The following RASGEF1B variants were observed in gnomAD, a reference collection of about 807,000 sequenced individuals.
RASGEF1B encodes ras-GEF domain-containing family member 1B.
Under a neutral mutation model 65.7 loss-of-function variants are expected in RASGEF1B, and 30 were observed. The observed-to-expected ratio is 0.46, with a 90% confidence interval of 0.34 to 0.62. RASGEF1B has a LOEUF of 0.62. Ranked by LOEUF, RASGEF1B falls within the 20% of genes least tolerant of loss-of-function variation. The pLI, the probability that RASGEF1B is intolerant of heterozygous loss-of-function variation, is 0.01. For synonymous variants in RASGEF1B, 175 were observed against 194.8 expected, an observed-to-expected ratio of 0.90 and a Z score of 0.85; for missense variants, 495 against 580.1, an observed-to-expected ratio of 0.85 and a Z score of 1.51.
chr4:81,471,406 A>C (rs1482999900), intron 1 of RASGEF1B, among the ~76,000 whole-genome samples: 6 of 152,214 alleles, frequency 3.9e-5, no homozygotes, highest in Non-Finnish European at 1.5e-5. Context: ...CTGCAGGATC[A>C]GGGAGAAAGA....
intron 10 of RASGEF1B, among the ~76,000 whole-genome samples, chr4:81,436,062 A>G (rs1003498735): frequency 1.3e-5 from 2 of 152,120 alleles, no homozygotes; most frequent in Non-Finnish European, 2.9e-5. Context: ...GATTACAGGC[A>G]TGAGCCACCA....
chr4:81,464,319 G>A (rs550646255), intron 1 of RASGEF1B, among the ~76,000 whole-genome samples: 1 of 152,186 alleles, frequency 6.6e-6, no homozygotes, highest in South Asian at 2.1e-4. Flanking sequence ...TAGAATATAT[G>A]GATGGAACAG....
At chr4:81,437,073 G>A (rs1247727903) in intron 10 of RASGEF1B, among the ~76,000 whole-genome samples, 1 of 152,162 alleles carries the variant, frequency 6.6e-6, no homozygotes, top group Admixed American at 6.5e-5. Context: ...TTCTCTGAAA[G>A]ACTATTTGTG....
chr4:81,430,195 G>A (rs1425113385), intron 13 of RASGEF1B, among the ~76,000 whole-genome samples: 1 of 152,168 alleles, frequency 6.6e-6, no homozygotes, highest in Non-Finnish European at 1.5e-5. Context: ...CAGCTGCTTG[G>A]GAGGCTGAAG....
At chr4:81,466,810 G>GAAAGAAAGAA (rs1722847794) in intron 1 of RASGEF1B, among the ~76,000 whole-genome samples, 1 of 144,106 alleles carries the variant, frequency 6.9e-6, no homozygotes, top group Non-Finnish European at 1.5e-5. Flanking sequence ...AAGAAAGAAA[G>GAAAGAAAGAA]AAAGAAAGAA....
At chr4:81,438,061 T>A (rs1288028926) in intron 10 of RASGEF1B, among the ~76,000 whole-genome samples, 2 of 152,156 alleles carry the variant, frequency 1.3e-5, no homozygotes, top group East Asian at 3.9e-4. Context: ...ACCATAAGGG[T>A]TTTGCCAGTT....
chr4:81,444,891 T>C (rs1721966203), intron 8 of RASGEF1B, among the ~76,000 whole-genome samples: 3 of 152,190 alleles, frequency 2.0e-5, no homozygotes, highest in African/African-American at 7.2e-5. Flanking sequence ...GGCCATATAA[T>C]TGATCATACA....
intron 8 of RASGEF1B, 51 bp from the exon 9 acceptor site, chr4:81,442,427 A>G (rs1721873380): frequency 9.4e-7 from 1 of 1,064,572 alleles, no homozygotes; most frequent in African/African-American, 1.6e-5. Flanking sequence ...AAAGAGAGAA[A>G]TAAGAAAAAC....
intron 12 of RASGEF1B, among the ~76,000 whole-genome samples, chr4:81,433,307 G>A (rs924161597): frequency 2.6e-5 from 4 of 151,144 alleles, no homozygotes; most frequent in Admixed American, 6.6e-5. Flanking sequence ...ATTAATTCCT[G>A]TAATATTAGG....
Position 81,457,590 on chromosome 4 carries a change from G to A in RASGEF1B, c.209C>T (p.Ser70Phe), listed in dbSNP as rs751997728. Residue 70 changes from serine to phenylalanine, a missense_variant, in exon 3 of 14, where the codon TCT becomes TTT. Coordinates refer to ENST00000264400, the MANE Select transcript of RASGEF1B (RefSeq NM_152545.3). ...CTCATACGGATGCATAAATAACCGA[G>A]AACTGAGTAGGAAGGTAAATATGTA... is the stretch of plus-strand genomic sequence containing the variant. ...RTYIFTFLLS[S>F]RLFMHPYELM... is the part of the protein sequence containing the mutation. 7 of 1,614,012 alleles carry A rather than the reference G, an allele frequency of 4.3e-6. No homozygotes were observed. The South Asian group carries it at 7.7e-5, about 18-fold the overall frequency.
intron 10 of RASGEF1B, among the ~76,000 whole-genome samples, chr4:81,435,292 T>TCCCAGCTACTCGGGAGGCTGAGGCAG (rs1721574656): frequency 6.6e-6 from 1 of 150,734 alleles, no homozygotes; most frequent in Admixed American, 6.6e-5. Flanking sequence ...GCGCCTGTAG[T>TCCCAGCTACTCGGGAGGCTGAGGCAG]CCCAGCTACT....
At position 81,433,976 on chromosome 4, in the gene RASGEF1B, TA is replaced by T; in HGVS notation, c.1201-14del. ...GTTCCCAAAATTTCTGGAAGATAAG[TA>T]AAAAAAGAATATAAAGGTGATCATA... On this transcript the variant is annotated splice_polypyrimidine_tract_variant and intron_variant, in intron 11 of 13. Transcript: ENST00000264400. The T allele has an allele frequency of 3.7e-6, 6 of 1,606,928 alleles. No homozygotes were observed. The highest frequency in any genetic ancestry group is 5.1e-6 in the Non-Finnish European group (6 of 1,174,514).
rs1451899429 is a variant in RASGEF1B, at chr4:81,445,806, G to A, written c.762C>T (p.Asn254=). 2 of 1,614,008 alleles carry A rather than the reference G, an allele frequency of 1.2e-6. No individual in the cohort carries two copies. The highest frequency in any genetic ancestry group is 1.7e-6 in the Non-Finnish European group (2 of 1,179,942). The change falls in exon 7 of 14, where the codon AAC becomes AAT. Residue 254 remains asparagine (N), a synonymous_variant. Transcript: ENST00000264400. ...SCYSERKKTR[N]LEAYVEWFNR... is the part of the protein sequence containing the mutation. ...TAAACCATTCCACGTAAGCTTCTAA[G>A]TTTCGTGTTTTCTTCCGTTCACTGT...
chr4:81,435,255 C>CA (rs1395246680), intron 10 of RASGEF1B, among the ~76,000 whole-genome samples: 3 of 150,530 alleles, frequency 2.0e-5, no homozygotes, highest in Admixed American at 1.3e-4. Context: ...ACTAAAAATA[C>CA]AAAAAATTAG....
intron 1 of RASGEF1B, among the ~76,000 whole-genome samples, chr4:81,465,415 A>G (rs1722773700): frequency 6.6e-6 from 1 of 152,274 alleles, no homozygotes; most frequent in Admixed American, 6.5e-5. Context: ...CCAGGTACAC[A>G]AGATGAATGT....
At chr4:81,429,364 T>C (rs72663848) in intron 13 of RASGEF1B, among the ~76,000 whole-genome samples, 84 of 152,352 alleles carry the variant, frequency 5.5e-4, no homozygotes, top group Middle Eastern at 6.8e-3. Context: ...AAACTGTCTT[T>C]TATACCAAAG....
rs1721226038 is a variant in RASGEF1B at position 81,426,503 on chromosome 4, C to T, written c.*1265G>A. The T allele has an allele frequency of 6.6e-6, 1 of 152,150 alleles. No individual in the cohort carries two copies. Among genetic ancestry groups the T allele is most frequent in the South Asian group, 2.1e-4 (1 of 4,814 alleles). 9.4% of individuals were successfully genotyped at this position (152,150 alleles called of 1,614,324 possible). On this transcript the variant is annotated 3_prime_UTR_variant, in exon 14 of 14. Coordinates refer to ENST00000264400, the MANE Select transcript of RASGEF1B (RefSeq NM_152545.3). ...TACATACATGCTCTAGTTTTTGGAA[C>T]CATGTCATTAAGTTTTCAAATACAT...
At chr4:81,438,286 T>A (rs1041708482) in intron 10 of RASGEF1B, among the ~76,000 whole-genome samples, 2 of 152,232 alleles carry the variant, frequency 1.3e-5, no homozygotes, top group African/African-American at 4.8e-5. Context: ...CTCTATTAGG[T>A]ACCTAGAGAT....
intron 13 of RASGEF1B, among the ~76,000 whole-genome samples, chr4:81,429,657 T>C (rs554912184): frequency 6.6e-6 from 1 of 152,168 alleles, no homozygotes; most frequent in East Asian, 1.9e-4. Context: ...GAGGAACACA[T>C]CTGCTGAAGA....
Sources: allele counts gnomAD v4.1 joint callset (sites outside exome capture counted in the v4.1 genomes callset), GRCh38; gene constraint gnomAD v4.1.1; transcripts MANE v1.5; gene names NCBI Gene and HGNC (gene_info 2026-07-23, HGNC 2026-07-21).